The following CLYBL variants were observed in gnomAD, a reference collection of about 807,000 sequenced individuals.
CLYBL encodes the protein citramalyl-CoA lyase.
Under a neutral mutation model 38.9 loss-of-function variants are expected in CLYBL, and 31 were observed. That is an observed-to-expected ratio of 0.80 (90% CI 0.60 to 1.08). The LOEUF is 1.08. CLYBL is among the 50% of genes least tolerant of loss of function. The pLI is 0.00. For missense variants in CLYBL, 434 were observed against 411.6 expected (o/e 1.05, Z -0.47); for synonymous variants, 171 against 158.6 (o/e 1.08, Z -0.59).
At chr13:99,790,389 C>T (rs2049890771) in intron 2 of CLYBL, among the ~76,000 whole-genome samples, 1 of 152,152 alleles carries the variant, frequency 6.6e-6, no homozygotes, top group South Asian at 2.1e-4. Context: ...TTAGGGCAGG[C>T]CTGGTGGTGA....
At chr13:99,802,458 G>A (rs1329273592) in intron 2 of CLYBL, among the ~76,000 whole-genome samples, 1 of 152,002 alleles carries the variant, frequency 6.6e-6, no homozygotes, top group Non-Finnish European at 1.5e-5. Flanking sequence ...TTATTTTGGG[G>A]GGGTCCAGAC....
At chr13:99,871,983 C>G (rs1407951459) in intron 7 of CLYBL, among the ~76,000 whole-genome samples, 1 of 139,178 alleles carries the variant, frequency 7.2e-6, no homozygotes, top group Non-Finnish European at 1.5e-5. Context: ...TTAAACATTC[C>G]CCCCTGCAAA....
intron 1 of CLYBL, among the ~76,000 whole-genome samples, chr13:99,642,293 C>T (rs2139271894): frequency 6.6e-6 from 1 of 152,308 alleles, no homozygotes; most frequent in Middle Eastern, 3.4e-3. Flanking sequence ...CGAGCATATT[C>T]AGTCACCATC....
chr13:99,725,256 C>T (rs1192463630), intron 1 of CLYBL, among the ~76,000 whole-genome samples: 1 of 152,176 alleles, frequency 6.6e-6, no homozygotes, highest in Non-Finnish European at 1.5e-5. Flanking sequence ...GAAGACCGAA[C>T]AGTAAGATGG....
chr13:99,699,079 ACT>A (rs67944395), intron 1 of CLYBL, among the ~76,000 whole-genome samples: 3,278 of 152,224 alleles, frequency 0.022, 61 homozygotes, highest in Middle Eastern at 0.092. Context: ...AATGTTAAAC[ACT>A]GACATTTTAA....
intron 1 of CLYBL, among the ~76,000 whole-genome samples, chr13:99,644,643 A>G (rs1411506324): frequency 1.3e-5 from 2 of 152,180 alleles, no homozygotes; most frequent in Non-Finnish European, 1.5e-5. Flanking sequence ...CTCATTAACC[A>G]TCCCCAGTTT....
intron 1 of CLYBL, among the ~76,000 whole-genome samples, chr13:99,726,990 C>T (rs1307367961): frequency 6.6e-6 from 1 of 152,072 alleles, no homozygotes; most frequent in African/African-American, 2.4e-5. Flanking sequence ...GAAACCCCAT[C>T]TCTACTCAAA....
At chr13:99,614,517 C>T (rs1174658453) in intron 1 of CLYBL, among the ~76,000 whole-genome samples, 1 of 152,112 alleles carries the variant, frequency 6.6e-6, no homozygotes, top group Non-Finnish European at 1.5e-5. Flanking sequence ...TGAGCAAGAA[C>T]TGGCTGTGGT....
At position 99,757,510 on chromosome 13, in the gene CLYBL, C is replaced by T. The variant is rs191780412; in HGVS notation, c.63-15314C>T. On this transcript the variant is annotated intron_variant, in intron 1 of 8. Transcript: ENST00000339105. ...CGCTGTTGTTGCTCAGGCTGGAGTG[C>T]AGTGGCATGATCTCGGCTCACTGCA... is the stretch of plus-strand genomic sequence containing the variant. Among the ~76,000 whole-genome samples, 1,080 of 152,240 alleles carry T rather than the reference C, an allele frequency of 7.1e-3. 11 individuals are homozygous for T. Among genetic ancestry groups the T allele is most frequent in the African/African-American group, 0.025 (1,036 of 41,524 alleles).
chr13:99,609,884 C>T (rs1445106065), intron 1 of CLYBL, among the ~76,000 whole-genome samples: 1 of 151,944 alleles, frequency 6.6e-6, no homozygotes, highest in Non-Finnish European at 1.5e-5. Flanking sequence ...TGTACTGAAA[C>T]ATCGTTCTCA....
At chr13:99,867,699 GA>G (rs1293365057) in intron 6 of CLYBL, among the ~76,000 whole-genome samples, 1 of 152,146 alleles carries the variant, frequency 6.6e-6, no homozygotes, top group East Asian at 1.9e-4. Flanking sequence ...AAAAGTTGGA[GA>G]AAAACTCCAT....
intron 8 of CLYBL, among the ~76,000 whole-genome samples, chr13:99,904,312 T>C (rs781536764): frequency 1.3e-5 from 2 of 152,212 alleles, no homozygotes; most frequent in Non-Finnish European, 2.9e-5. Flanking sequence ...AGGCGAAATG[T>C]GGCCCCTTCC....
intron 1 of CLYBL, among the ~76,000 whole-genome samples, chr13:99,761,224 G>A (rs570511072): frequency 2.2e-4 from 34 of 152,282 alleles, no homozygotes; most frequent in African/African-American, 7.2e-4. Context: ...GTGGTGGCGG[G>A]TGCCTGTAGT....
At chr13:99,836,895 TG>T (rs368531438) in intron 2 of CLYBL, among the ~76,000 whole-genome samples, 3 of 146,234 alleles carry the variant, frequency 2.1e-5, no homozygotes, top group African/African-American at 7.7e-5. Context: ...TGTTGTGGGG[TG>T]GGGGAAGGGG....
intron 1 of CLYBL, among the ~76,000 whole-genome samples, chr13:99,624,944 C>G (rs1444543454): frequency 6.6e-6 from 1 of 152,138 alleles, no homozygotes; most frequent in Non-Finnish European, 1.5e-5. Context: ...TGGTTTTTCC[C>G]CAACTCTCAT....
intron 1 of CLYBL, among the ~76,000 whole-genome samples, chr13:99,712,812 G>A (rs1326947119): frequency 6.6e-6 from 1 of 152,028 alleles, no homozygotes; most frequent in Non-Finnish European, 1.5e-5. Context: ...GCATTTCTGT[G>A]TTTCTAAAAC....
chr13:99,760,955 T>C (rs1433873462), intron 1 of CLYBL, among the ~76,000 whole-genome samples: 1 of 152,238 alleles, frequency 6.6e-6, no homozygotes, highest in African/African-American at 2.4e-5. Flanking sequence ...TGTTTAACAC[T>C]AGGTCTTACT....
chr13:99,726,218 G>C (rs2048469889), intron 1 of CLYBL: 1 of 152,176 alleles, frequency 6.6e-6, no homozygotes. Context: ...ACTGTTTTGA[G>C]ATTAAGAACT....
chr13:99,736,236 G>A (rs2048666423), intron 1 of CLYBL, among the ~76,000 whole-genome samples: 1 of 149,090 alleles, frequency 6.7e-6, no homozygotes, highest in Non-Finnish European at 1.5e-5. Flanking sequence ...GTAGAGATGG[G>A]GTTTCACCAT....
Sources: gnomAD v4.1 joint callset for allele counts (sites outside exome capture counted in the v4.1 genomes callset) on GRCh38, gnomAD v4.1.1 for gene constraint, MANE v1.5 for transcripts, NCBI Gene and HGNC (gene_info 2026-07-23, HGNC 2026-07-21) for gene names.